THAP4: variants seen among roughly 807,000 people sequenced by gnomAD.
The protein encoded by THAP4 is peroxynitrite isomerase THAP4.
THAP4 carries 18 observed loss-of-function variants against 48.1 expected under a neutral mutation model. The observed-to-expected ratio is 0.37, with a 90% CI of 0.26 to 0.56. The LOEUF (loss-of-function observed/expected upper bound fraction) is 0.56. THAP4 is among the 20% of genes least tolerant of loss of function. The pLI is 0.78. For synonymous variants in THAP4, 345 were observed against 324.9 expected, an observed-to-expected ratio of 1.06 and a Z score of -0.66; for missense variants, 656 against 774.9, an observed-to-expected ratio of 0.85 and a Z score of 1.82.
chr2:241,624,918 AGAC>A (rs1177067509), intron 2 of THAP4, among the ~76,000 whole-genome samples: 1 of 152,180 alleles, frequency 6.6e-6, no homozygotes, highest in Non-Finnish European at 1.5e-5. Context: ...TTTGCTCAGG[AGAC>A]GACAAGGGTT....
At chr2:241,586,519 A>G (rs1240793104) in intron 5 of THAP4, among the ~76,000 whole-genome samples, 2 of 152,164 alleles carry the variant, frequency 1.3e-5, no homozygotes, top group African/African-American at 4.8e-5. Flanking sequence ...CAAGAAAAAA[A>G]GAAAAACTCC....
Position 241,584,594 on chromosome 2 carries a change from G to A in THAP4, c.*12C>T, listed in dbSNP as rs2066868607. 2 of 1,613,930 alleles carry A rather than the reference G, an allele frequency of 1.2e-6. No homozygotes were observed. Among genetic ancestry groups the A allele is most frequent in the Non-Finnish European group, 1.7e-6 (2 of 1,180,012 alleles). On this transcript the variant is annotated 3_prime_UTR_variant, in exon 6 of 6. Transcript: ENST00000407315. ...TAGCCAGGCCCTCCCGAGGGCTCCA[G>A]AAGCTCTAGGTTTACGGGGTCACCT...
At chr2:241,637,394 C>T (rs2067694559), upstream of THAP4, 3 of 1,426,546 alleles carry the variant, frequency 2.1e-6, no homozygotes, top group Non-Finnish European at 2.8e-6. Flanking sequence ...GGACAGAGCT[C>T]GCCTCTGCCG....
In THAP4 at chr2:241,589,096, C is replaced by T. The variant is rs560482890; in HGVS notation, c.1615-4371G>A. Among the ~76,000 whole-genome samples, 33 of 151,808 alleles carry T rather than the reference C, an allele frequency of 2.2e-4. 1 individual carries two copies. Among genetic ancestry groups the T allele is most frequent in the Admixed American group, 1.8e-3 (27 of 15,216 alleles). On this transcript the variant is annotated intron_variant, in intron 5 of 5. Coordinates refer to ENST00000407315, the MANE Select transcript of THAP4 (RefSeq NM_015963.6). ...GCCATGGTGGTGGGAGCCTGTAATC[C>T]GAGCTACTTGGGAGGCTGAGAGAGG... is the stretch of plus-strand genomic sequence containing the variant.
rs1037137818 is a variant in THAP4 at position 241,633,423 on chromosome 2, G to A, written c.734C>T (p.Thr245Ile). ...LHSYSFSSKH[T>I]RERPSVPREP... ...TCGGGGGACAGATGGCCTTTCTCGGGTGTGCTTAGAGGAGAAACTGTACGA... is the reference window on the plus strand; with the variant it reads ...TCGGGGGACAGATGGCCTTTCTCGGATGTGCTTAGAGGAGAAACTGTACGA... The change falls in exon 2 of 6, where the codon ACC (threonine) becomes ATC (isoleucine). Residue 245 changes from threonine (T) to isoleucine (I), a missense_variant. By Grantham distance (89) the Thr-to-Ile change is moderately conservative. Around this residue, in one of 4 missense-constraint regions of THAP4, gnomAD observed 391 missense variants for 412.4 expected, o/e 0.95. Transcript: ENST00000407315. The surrounding 1 kb of genome is among the most constrained non-coding windows in gnomAD (Gnocchi z 7.5). The A allele has an allele frequency of 1.2e-6, 2 of 1,613,758 alleles. No homozygotes were observed. Among genetic ancestry groups the A allele is most frequent in the Admixed American group, 1.7e-5 (1 of 59,994 alleles).
intron 5 of THAP4, among the ~76,000 whole-genome samples, chr2:241,590,801 C>G (rs199627050): frequency 8.0e-5 from 12 of 150,026 alleles, no homozygotes; most frequent in South Asian, 2.1e-4. Context: ...AGCTGCTCGG[C>G]TGATGATAAT....
intron 2 of THAP4, among the ~76,000 whole-genome samples, chr2:241,608,915 G>T (rs1575027423): frequency 6.6e-6 from 1 of 152,240 alleles, no homozygotes; most frequent in East Asian, 1.9e-4. Flanking sequence ...CAGACCAGGT[G>T]GAAGTGCCAG....
At chr2:241,609,977 G>C (rs893545992) in intron 2 of THAP4, among the ~76,000 whole-genome samples, 4 of 152,152 alleles carry the variant, frequency 2.6e-5, no homozygotes. Context: ...CGGGCGCTGG[G>C]GAGCAGCGAT....
chr2:241,620,303 C>CA (rs1559230946), intron 2 of THAP4, among the ~76,000 whole-genome samples: 3 of 26,966 alleles, frequency 1.1e-4, no homozygotes, highest in Non-Finnish European at 1.3e-4. Flanking sequence ...GTGAGTGAGT[C>CA]GTGAGTGAGG....
intron 2 of THAP4, among the ~76,000 whole-genome samples, chr2:241,615,478 A>AT (rs1233969889): frequency 6.6e-6 from 1 of 152,160 alleles, no homozygotes; most frequent in Non-Finnish European, 1.5e-5. Context: ...AGAGCAGGGG[A>AT]TGTGGTGGGG....
chr2:241,585,921 AAAAAAAAAG>A (rs1475409850), intron 5 of THAP4, among the ~76,000 whole-genome samples: 28 of 145,464 alleles, frequency 1.9e-4, no homozygotes, highest in Non-Finnish European at 3.2e-4. Flanking sequence ...TCAAAAAAAA[AAAAAAAAAG>A]AAAAAAAAAA....
At chr2:241,609,644 G>A (rs912016436) in intron 2 of THAP4, among the ~76,000 whole-genome samples, 5 of 152,156 alleles carry the variant, frequency 3.3e-5, no homozygotes, top group African/African-American at 4.8e-5. Context: ...AAAATTAGCC[G>A]GGCGTGGTGG....
intron 2 of THAP4, among the ~76,000 whole-genome samples, chr2:241,623,996 T>C (rs1306119254): frequency 1.3e-5 from 2 of 152,122 alleles, no homozygotes; most frequent in Non-Finnish European, 2.9e-5. Flanking sequence ...GGTTAAGGGC[T>C]CAGTCCCACA....
chr2:241,587,090 T>C (rs562296578), intron 5 of THAP4, among the ~76,000 whole-genome samples: 1 of 152,226 alleles, frequency 6.6e-6, no homozygotes, highest in South Asian at 2.1e-4. Flanking sequence ...ATTTTAGGTG[T>C]CAAAGGTCAA....
chr2:241,620,355 T>G (rs1575034476), intron 2 of THAP4, among the ~76,000 whole-genome samples: 1 of 57,970 alleles, frequency 1.7e-5, no homozygotes, highest in Non-Finnish European at 3.2e-5. Flanking sequence ...GAGGGGTGAG[T>G]GAGTCGGTGA....
At chr2:241,621,624 A>C (rs1217919614) in intron 2 of THAP4, among the ~76,000 whole-genome samples, 1 of 152,222 alleles carries the variant, frequency 6.6e-6, no homozygotes, top group Non-Finnish European at 1.5e-5. Context: ...AACGGAAAAA[A>C]AAAATCAGAA....
chr2:241,584,874 C>G, intron 5 of THAP4, 149 bp from the exon 6 acceptor site: 8 of 931,736 alleles, frequency 8.6e-6, no homozygotes, highest in Non-Finnish European at 1.2e-5. Context: ...CAGCCCAGGG[C>G]CCCTGGGCAT....
At chr2:241,596,182 C>G (rs1330831377) in intron 5 of THAP4, among the ~76,000 whole-genome samples, 1 of 151,986 alleles carries the variant, frequency 6.6e-6, no homozygotes, top group Non-Finnish European at 1.5e-5. Context: ...AATCCAGAAC[C>G]AAAACAAACA....
In THAP4 at chr2:241,610,880, ACGGGGCCAGAG is replaced by A. The variant is rs2067264251; in HGVS notation, c.1241-4418_1241-4408del. 6.6e-6 allele frequency among the ~76,000 whole-genome samples: 1 copy of A among 151,820 alleles called. No homozygotes were observed. Among genetic ancestry groups the A allele is most frequent in the Admixed American group, 6.6e-5 (1 of 15,234 alleles). On this transcript the variant is annotated intron_variant, in intron 2 of 5. Coordinates refer to ENST00000407315, the MANE Select transcript of THAP4 (RefSeq NM_015963.6). This position sits in a 1 kb window ranked among gnomAD's most constrained non-coding sequence, Gnocchi z 4.2. ...GAGAGACACGGGGATGGGGCCAGAG[ACGGGGCCAGAG>A]ACAGAGACACAGAAAGGGATCTTAC...
Sources: allele counts gnomAD v4.1 joint callset (sites outside exome capture counted in the v4.1 genomes callset), GRCh38; gene constraint gnomAD v4.1.1; regional missense constraint gnomAD v4.1.1; non-coding constraint Gnocchi (gnomAD v3.1); transcripts MANE v1.5; gene names NCBI Gene and HGNC (gene_info 2026-07-23, HGNC 2026-07-21).